RSRC1: variants seen among roughly 807,000 people sequenced by gnomAD.
The protein encoded by RSRC1 is arginine and serine rich coiled-coil 1.
Under a neutral mutation model 49.1 loss-of-function variants are expected in RSRC1, and 39 were observed. The observed-to-expected ratio is 0.79, with a 90% confidence interval of 0.61 to 1.04. RSRC1 has a LOEUF of 1.04. Among genes scored for constraint, RSRC1 ranks in the 50% least tolerant of loss-of-function variants. The pLI, the probability that RSRC1 is intolerant of heterozygous loss-of-function variation, is 0.00. For missense variants in RSRC1, 388 were observed against 402.4 expected, an observed-to-expected ratio of 0.96 and a Z score of 0.31; for synonymous variants, 143 against 130.8, an observed-to-expected ratio of 1.09 and a Z score of -0.63.
intron 4 of RSRC1, among the ~76,000 whole-genome samples, chr3:158,254,577 G>A (rs1051312128): frequency 4.6e-5 from 7 of 152,008 alleles, no homozygotes; most frequent in South Asian, 2.1e-4. Context: ...GACTACAGGC[G>A]GCCGCCAGCA....
intron 6 of RSRC1, among the ~76,000 whole-genome samples, chr3:158,400,488 T>A (rs1021107129): frequency 8.5e-5 from 13 of 152,056 alleles, no homozygotes; most frequent in Admixed American, 8.5e-4. Context: ...AAGGCATTGT[T>A]GTCATAGGAG....
chr3:158,421,343 T>G (rs1735037585), intron 6 of RSRC1, among the ~76,000 whole-genome samples: 1 of 151,910 alleles, frequency 6.6e-6, no homozygotes, highest in Admixed American at 6.6e-5. Context: ...GGTTGTGGCA[T>G]GATTAGAAGT....
chr3:158,187,284 A>G (rs543004779), intron 3 of RSRC1, among the ~76,000 whole-genome samples: 46 of 152,160 alleles, frequency 3.0e-4, no homozygotes, highest in Admixed American at 1.8e-3. Context: ...TTCTTAGCAC[A>G]TAGAAGATCC....
chr3:158,327,717 G>A (rs1441568634), intron 5 of RSRC1, among the ~76,000 whole-genome samples: 1 of 152,134 alleles, frequency 6.6e-6, no homozygotes, highest in Middle Eastern at 3.2e-3. Flanking sequence ...TGTTGATTTG[G>A]GGTGGAGAGT....
intron 5 of RSRC1, among the ~76,000 whole-genome samples, chr3:158,342,938 C>T (rs1208296730): frequency 6.6e-6 from 1 of 152,168 alleles, no homozygotes; most frequent in African/African-American, 2.4e-5. Context: ...CAGGCAGAGC[C>T]TAGTGGTCTC....
chr3:158,335,655 T>C (rs1045659638), intron 5 of RSRC1, among the ~76,000 whole-genome samples: 3 of 152,146 alleles, frequency 2.0e-5, no homozygotes, highest in Admixed American at 1.3e-4. Flanking sequence ...TTGGAGTCAA[T>C]AGTAGTCTAG....
intron 4 of RSRC1, among the ~76,000 whole-genome samples, chr3:158,223,315 T>C (rs1722327008): frequency 1.3e-5 from 2 of 151,724 alleles, no homozygotes; most frequent in Admixed American, 1.3e-4. Flanking sequence ...TCAGACTCTG[T>C]AGGTTAGGTT....
intron 3 of RSRC1, among the ~76,000 whole-genome samples, chr3:158,196,819 G>T (rs1720652175): frequency 6.6e-6 from 1 of 152,158 alleles, no homozygotes; most frequent in African/African-American, 2.4e-5. Context: ...ATTTGTGTAT[G>T]TTGAACCAGA....
At chr3:158,381,802 G>C (rs1039939359) in intron 6 of RSRC1, among the ~76,000 whole-genome samples, 2 of 152,102 alleles carry the variant, frequency 1.3e-5, no homozygotes, top group African/African-American at 4.8e-5. Context: ...GCACTTGATA[G>C]GGCACTTACC....
chr3:158,239,100 A>G (rs1014528150), intron 4 of RSRC1, among the ~76,000 whole-genome samples: 1 of 152,242 alleles, frequency 6.6e-6, no homozygotes, highest in African/African-American at 2.4e-5. Context: ...GCCAACAGAC[A>G]CATGAAAAAA....
At chr3:158,250,995 T>C (rs1285587931) in intron 4 of RSRC1, among the ~76,000 whole-genome samples, 2 of 152,168 alleles carry the variant, frequency 1.3e-5, no homozygotes, top group Non-Finnish European at 2.9e-5. Flanking sequence ...CTTTCATTGA[T>C]TTTGATTTGG....
At chr3:158,460,244 A>T (rs1024291391) in intron 6 of RSRC1, among the ~76,000 whole-genome samples, 2 of 151,918 alleles carry the variant, frequency 1.3e-5, no homozygotes, top group South Asian at 2.1e-4. Flanking sequence ...TGAGACATTA[A>T]TGCTTTGGAA....
At chr3:158,274,314 A>G (rs1725684222) in intron 4 of RSRC1, among the ~76,000 whole-genome samples, 1 of 152,104 alleles carries the variant, frequency 6.6e-6, no homozygotes, top group Non-Finnish European at 1.5e-5. Context: ...AATGAAGAAA[A>G]AGCCATTTTT....
chr3:158,516,782 G>A (rs1450677484), intron 7 of RSRC1, among the ~76,000 whole-genome samples: 3 of 152,188 alleles, frequency 2.0e-5, no homozygotes, highest in Non-Finnish European at 4.4e-5. Flanking sequence ...AGCCAGGTGC[G>A]GGATATAATC....
intron 5 of RSRC1, among the ~76,000 whole-genome samples, chr3:158,321,560 GTT>G (rs142748510): frequency 0.08 from 11,330 of 141,684 alleles, 509 homozygotes; most frequent in South Asian, 0.13. Flanking sequence ...ATATTTTTGT[GTT>G]TTTTTTTTTT....
intron 3 of RSRC1, among the ~76,000 whole-genome samples, chr3:158,173,701 A>G (rs1719019293): frequency 6.6e-6 from 1 of 152,040 alleles, no homozygotes; most frequent in Non-Finnish European, 1.5e-5. Context: ...CTAAAGGTGG[A>G]AACAAATGCT....
At position 158,301,706 on chromosome 3, in the gene RSRC1, T is replaced by C. The variant is rs2108124766; in HGVS notation, c.531+3631T>C. On this transcript the variant is annotated intron_variant, in intron 5 of 9. Coordinates refer to ENST00000611884, the MANE Select transcript of RSRC1 (RefSeq NM_001271838.2). ...TTTATTTGCAGTTCCCTTTCTCCAA[T>C]GAATATAGTTATGTTATTCATTTGA... Among the ~76,000 whole-genome samples, 4 of 152,336 alleles carry C rather than the reference T, an allele frequency of 2.6e-5. No homozygotes were observed. The South Asian group carries it at 8.3e-4, about 32-fold the overall frequency.
At chr3:158,264,789 GA>G (rs1578260557) in intron 4 of RSRC1, among the ~76,000 whole-genome samples, 1 of 152,186 alleles carries the variant, frequency 6.6e-6, no homozygotes, top group East Asian at 1.9e-4. Context: ...CCCCACAACT[GA>G]GGAATGAACG....
intron 4 of RSRC1, among the ~76,000 whole-genome samples, chr3:158,220,339 T>C (rs1471462965): frequency 6.6e-6 from 1 of 151,542 alleles, no homozygotes; most frequent in African/African-American, 2.4e-5. Context: ...GGAATGCCAC[T>C]TGAGTCCTTT....
Sources: allele counts gnomAD v4.1 joint callset (sites outside exome capture counted in the v4.1 genomes callset), GRCh38; gene constraint gnomAD v4.1.1; transcripts MANE v1.5; gene names NCBI Gene and HGNC (gene_info 2026-07-23, HGNC 2026-07-21).